NFX1: variants seen among roughly 807,000 people sequenced by gnomAD.
NFX1 encodes nuclear transcription factor, X-box binding 1.
In NFX1, 69 loss-of-function variants were observed where a neutral mutation model predicts 137.2. That is an observed-to-expected ratio of 0.50 (90% CI 0.41 to 0.61). The LOEUF (loss-of-function observed/expected upper bound fraction) is 0.61. NFX1 is among the 20% of genes least tolerant of loss of function. The pLI, the probability that NFX1 is intolerant of heterozygous loss-of-function variation, is 0.00. For synonymous variants in NFX1, 495 were observed against 474.1 expected (o/e 1.04, Z -0.57); for missense variants, 1,167 against 1,391.0 (o/e 0.84, Z 2.56).
intron 9 of NFX1, among the ~76,000 whole-genome samples, chr9:33,324,995 T>C (rs189425692): frequency 6.7e-6 from 1 of 149,562 alleles, no homozygotes; most frequent in African/African-American, 2.5e-5. Context: ...TGAAGAGAAA[T>C]GAACAAAGCC....
intron 7 of NFX1, among the ~76,000 whole-genome samples, chr9:33,315,161 G>A (rs1204395193): frequency 6.6e-6 from 1 of 150,982 alleles, no homozygotes; most frequent in Non-Finnish European, 1.5e-5. Flanking sequence ...GGAGGCGGAG[G>A]TTGCAGTGAG....
chr9:33,323,683 G>A (rs1217520865), intron 9 of NFX1, among the ~76,000 whole-genome samples: 3 of 151,792 alleles, frequency 2.0e-5, no homozygotes, highest in South Asian at 2.1e-4. Flanking sequence ...AACCCAGGAG[G>A]CAGAGGTTGC....
At chr9:33,305,101 T>A (rs746687666) in intron 4 of NFX1, among the ~76,000 whole-genome samples, 1 of 152,256 alleles carries the variant, frequency 6.6e-6, no homozygotes, top group African/African-American at 2.4e-5. Flanking sequence ...TGAGAACTTA[T>A]TAATGTTCAA....
chr9:33,363,720 T>C (rs1261785475), intron 19 of NFX1, among the ~76,000 whole-genome samples: 1 of 152,180 alleles, frequency 6.6e-6, no homozygotes, highest in African/African-American at 2.4e-5. Flanking sequence ...CATCCCCCAT[T>C]GACCATTCTC....
chr9:33,295,342 T>G lies in NFX1; in HGVS notation c.948T>G (p.Thr316=). The change falls in exon 2 of 24, where the codon ACT becomes ACG. Residue 316 remains threonine (T), a synonymous_variant. Transcript: ENST00000379540. ...GGAGGGTTGACCAAGAGAAATGCAC[T>G]GTACGGAGGCAGGATCCTCAAGTAG... ...SSRRVDQEKC[T]VRRQDPQVVS... is the part of the protein sequence containing the mutation. The G allele has an allele frequency of 6.2e-7, 1 of 1,614,168 alleles. No homozygotes were observed. Among genetic ancestry groups the G allele is most frequent in the African/African-American group, 1.3e-5 (1 of 75,038 alleles).
At chr9:33,299,851 G>C (rs2118210837) in intron 2 of NFX1, among the ~76,000 whole-genome samples, 1 of 152,210 alleles carries the variant, frequency 6.6e-6, no homozygotes, top group South Asian at 2.1e-4. Flanking sequence ...CAGTCTCAGG[G>C]TGTTCTCTAT....
At chr9:33,302,485 C>T (rs905019944) in intron 3 of NFX1, among the ~76,000 whole-genome samples, 1 of 151,304 alleles carries the variant, frequency 6.6e-6, no homozygotes, top group African/African-American at 2.4e-5. Context: ...CCTCAGACTC[C>T]CAAGCAGCTG....
chr9:33,310,919 G>A (rs767916554), intron 5 of NFX1, among the ~76,000 whole-genome samples, 187 bp from the exon 6 acceptor site: 2 of 152,276 alleles, frequency 1.3e-5, no homozygotes, highest in South Asian at 2.1e-4. Context: ...TAATGATGTC[G>A]ATTTTTTGCA....
At chr9:33,303,910 T>C (rs537516260) in intron 4 of NFX1, among the ~76,000 whole-genome samples, 1 of 152,292 alleles carries the variant, frequency 6.6e-6, no homozygotes, top group South Asian at 2.1e-4. Flanking sequence ...TTACTGTCTG[T>C]CTCCCTCCCT....
intron 1 of NFX1, among the ~76,000 whole-genome samples, chr9:33,291,955 G>C (rs549080072): frequency 2.6e-5 from 4 of 152,194 alleles, no homozygotes; most frequent in African/African-American, 9.6e-5. Context: ...TCTTGATGTG[G>C]ATATTAAGTC....
chr9:33,317,176 T>C (rs1290866036), intron 7 of NFX1, among the ~76,000 whole-genome samples: 2 of 151,968 alleles, frequency 1.3e-5, no homozygotes, highest in Non-Finnish European at 2.9e-5. Context: ...CCCAGCACTT[T>C]AGGAGGCCAG....
intron 15 of NFX1, chr9:33,348,086 C>G (rs2118620279): frequency 6.6e-6 from 1 of 152,508 alleles, no homozygotes; most frequent in Admixed American, 6.5e-5. Context: ...CACGGTGGCT[C>G]ATGCCTATAA....
intron 19 of NFX1, 82 bp downstream of exon 19, chr9:33,354,974 C>A: frequency 7.4e-7 from 1 of 1,345,636 alleles, no homozygotes; most frequent in African/African-American, 1.4e-5. Context: ...CTTCAAACGT[C>A]ATTCACTCAG....
chr9:33,361,325 A>G (rs1181820968), intron 19 of NFX1, among the ~76,000 whole-genome samples: 2 of 152,208 alleles, frequency 1.3e-5, no homozygotes, highest in Non-Finnish European at 2.9e-5. Context: ...TTTTTTTATT[A>G]AATAAAAATG....
intron 20 of NFX1, among the ~76,000 whole-genome samples, 156 bp downstream of exon 20, chr9:33,364,264 C>T (rs1319380531): frequency 1.3e-5 from 2 of 152,138 alleles, no homozygotes; most frequent in Non-Finnish European, 2.9e-5. Flanking sequence ...AATAAATATC[C>T]TTCTCTTGGT....
At position 33,351,711 on chromosome 9, in the gene NFX1, C is replaced by A. The variant is rs75231196; in HGVS notation, c.2576C>A (p.Pro859His). Residue 859 changes from proline to histidine, a missense_variant, in exon 16 of 24, where the codon CCC (proline) becomes CAC (histidine). This residue lies in a region of NFX1 where 488 missense variants were observed against 691.5 expected (regional missense o/e 0.71). Coordinates refer to ENST00000379540, the MANE Select transcript of NFX1 (RefSeq NM_002504.6). Reference sequence around the variant, plus strand: ...CCCTGCAAGCAGCCCTGCACCACCCCCAGAGCTGACTGTGGTCACCCGTGT... The same window carrying A: ...CCCTGCAAGCAGCCCTGCACCACCCACAGAGCTGACTGTGGTCACCCGTGT... ...DEPCKQPCTT[P>H]RADCGHPCMA... 6.2e-7 allele frequency: 1 copy of A among 1,613,950 alleles called. No individual in the cohort carries two copies. Among genetic ancestry groups the A allele is most frequent in the Non-Finnish European group, 8.5e-7 (1 of 1,179,930 alleles).
chr9:33,333,546 T>C (rs1822889198), intron 11 of NFX1, among the ~76,000 whole-genome samples: 1 of 152,232 alleles, frequency 6.6e-6, no homozygotes, highest in Non-Finnish European at 1.5e-5. Flanking sequence ...TGTTGTTCTC[T>C]TCCTATGTAA....
chr9:33,334,218 G>A (rs1096495), intron 11 of NFX1, among the ~76,000 whole-genome samples: 99,484 of 152,060 alleles, frequency 0.65, 34,890 homozygotes, highest in Non-Finnish European at 0.77. Context: ...GCTTTGGGAG[G>A]CCAGGGCTGG....
intron 10 of NFX1, among the ~76,000 whole-genome samples, chr9:33,331,866 A>C (rs1195422055): frequency 6.6e-6 from 1 of 152,250 alleles, no homozygotes; most frequent in East Asian, 1.9e-4. Flanking sequence ...CTTCCCACAC[A>C]CCATCATCAC....
Sources: gnomAD v4.1 joint callset for allele counts (sites outside exome capture counted in the v4.1 genomes callset) on GRCh38, gnomAD v4.1.1 for gene constraint, gnomAD v4.1.1 regional missense constraint, MANE v1.5 for transcripts, NCBI Gene and HGNC (gene_info 2026-07-23, HGNC 2026-07-21) for gene names.